RBFOX1: variants seen among roughly 807,000 people sequenced by gnomAD.
The protein encoded by RBFOX1 is RNA binding protein fox-1 homolog 1.
RBFOX1 carries 8 observed loss-of-function variants against 57.7 expected under a neutral mutation model. The ratio of observed to expected loss-of-function variants is 0.14; its 90% CI spans 0.08 to 0.25. The LOEUF is 0.25. Among genes scored for constraint, RBFOX1 ranks in the 10% least tolerant of loss-of-function variants. RBFOX1 has a pLI of 1.00. For synonymous variants in RBFOX1, 326 were observed against 222.4 expected (o/e 1.47, Z -4.15); for missense variants, 611 against 548.5 (o/e 1.11, Z -1.14).
chr16:7,026,256 C>A (rs1034294803), intron 3 of RBFOX1, among the ~76,000 whole-genome samples: 2 of 152,128 alleles, frequency 1.3e-5, no homozygotes, highest in African/African-American at 2.4e-5. Context: ...GCTGTTTTTC[C>A]TTTCCTGCTC....
intron 1 of RBFOX1, among the ~76,000 whole-genome samples, chr16:6,020,854 C>T (rs545241819): frequency 1.3e-5 from 2 of 152,166 alleles, no homozygotes; most frequent in Non-Finnish European, 2.9e-5. Context: ...GACCAGGTGT[C>T]ACGCGGAGCC....
At chr16:7,535,763 A>G (rs2081320791) in intron 5 of RBFOX1, among the ~76,000 whole-genome samples, 3 of 152,204 alleles carry the variant, frequency 2.0e-5, no homozygotes, top group South Asian at 2.1e-4. Flanking sequence ...CAATTTTACA[A>G]CCACTTAAAA....
In RBFOX1 at chr16:5,619,813, G is replaced by A. The variant is rs763583589; in HGVS notation, c.318+20852G>A. 2.0e-5 allele frequency among the ~76,000 whole-genome samples: 3 copies of A among 152,010 alleles called. No homozygotes were observed. In the South Asian group the frequency reaches 6.2e-4, roughly 32 times the overall value. On this transcript the variant is annotated intron_variant, in intron 3 of 19. Coordinates refer to the RBFOX1 transcript ENST00000641259. ...TTCCATGTCCTTTCACTGAGTTTCC[G>A]TGAAGGCAGTCAGACCTGGGCAGGT...
chr16:6,993,740 G>A (rs1457083236), intron 3 of RBFOX1, among the ~76,000 whole-genome samples: 1 of 152,130 alleles, frequency 6.6e-6, no homozygotes, highest in African/African-American at 2.4e-5. Context: ...CAGCAGCCCA[G>A]CTCCATGGGC....
intron 3 of RBFOX1, among the ~76,000 whole-genome samples, chr16:5,718,941 C>A (rs7198034): frequency 0.56 from 84,333 of 150,528 alleles, 26,441 homozygotes; most frequent in Non-Finnish European, 0.72. Context: ...AATGAATGAA[C>A]TTTCTGGCCT....
intron 4 of RBFOX1, among the ~76,000 whole-genome samples, chr16:7,161,281 G>A (rs1197947552): frequency 6.6e-6 from 1 of 151,592 alleles, no homozygotes; most frequent in Admixed American, 6.6e-5. Context: ...CCATGAGATA[G>A]GGGAATGCAG....
At chr16:5,456,407 C>T (rs931013099) in intron 1 of RBFOX1, among the ~76,000 whole-genome samples, 4 of 152,058 alleles carry the variant, frequency 2.6e-5, no homozygotes, top group African/African-American at 4.8e-5. Context: ...TTTCGGGGAA[C>T]GGATTTGAAA....
chr16:6,964,585 CT>C (rs2083700241), intron 3 of RBFOX1, among the ~76,000 whole-genome samples: 1 of 152,092 alleles, frequency 6.6e-6, no homozygotes, highest in African/African-American at 2.4e-5. Flanking sequence ...TTTATACTTG[CT>C]GAATTTTCTG....
intron 3 of RBFOX1, among the ~76,000 whole-genome samples, chr16:5,793,745 G>A (rs1025317358): frequency 6.6e-6 from 1 of 151,902 alleles, no homozygotes; most frequent in Non-Finnish European, 1.5e-5. Flanking sequence ...ATGTGCCTTC[G>A]TGTGTGTGTG....
At chr16:6,277,082 C>A (rs1188266787) in intron 1 of RBFOX1, among the ~76,000 whole-genome samples, 3 of 152,048 alleles carry the variant, frequency 2.0e-5, no homozygotes, top group Non-Finnish European at 4.4e-5. Flanking sequence ...AAAACAATCC[C>A]ATCTCAGTAC....
chr16:7,394,505 T>C (rs2098108933), intron 4 of RBFOX1, among the ~76,000 whole-genome samples: 1 of 152,026 alleles, frequency 6.6e-6, no homozygotes, highest in Admixed American at 6.6e-5. Flanking sequence ...CCCCACACCT[T>C]TAGATGCATA....
At chr16:6,885,740 C>T (rs2063864838) in intron 3 of RBFOX1, among the ~76,000 whole-genome samples, 2 of 152,086 alleles carry the variant, frequency 1.3e-5, no homozygotes, top group African/African-American at 4.8e-5. Flanking sequence ...CCAGGTTGGA[C>T]AGGCTGGTCT....
chr16:5,895,583 G>C (rs1209847090), intron 4 of RBFOX1, among the ~76,000 whole-genome samples: 5 of 152,202 alleles, frequency 3.3e-5, no homozygotes, highest in Non-Finnish European at 7.3e-5. Flanking sequence ...ATGTGGCCCA[G>C]GGCATAGGAA....
intron 4 of RBFOX1, among the ~76,000 whole-genome samples, chr16:7,061,206 C>G (rs1267829634): frequency 6.6e-6 from 1 of 152,060 alleles, no homozygotes; most frequent in Non-Finnish European, 1.5e-5. Flanking sequence ...CAAATGATCC[C>G]CAGGGGCAGC....
intron 1 of RBFOX1, among the ~76,000 whole-genome samples, chr16:5,452,367 C>T (rs1180556487): frequency 6.6e-6 from 1 of 152,042 alleles, no homozygotes; most frequent in Non-Finnish European, 1.5e-5. Flanking sequence ...CCTCGACCTC[C>T]CAAAGTGCTG....
chr16:5,796,879 T>G (rs1398351698), intron 3 of RBFOX1, among the ~76,000 whole-genome samples: 1 of 152,238 alleles, frequency 6.6e-6, no homozygotes, highest in Non-Finnish European at 1.5e-5. Flanking sequence ...AATTCATTGT[T>G]TGTTCATCGA....
intron 3 of RBFOX1, among the ~76,000 whole-genome samples, chr16:5,618,336 TTTTTTGTG>T (rs1201294604): frequency 4.3e-5 from 4 of 93,316 alleles, no homozygotes; most frequent in Non-Finnish European, 1.3e-4. Flanking sequence ...CAGATTTTTT[TTTTTTGTG>T]TGTGTGTGTG....
intron 1 of RBFOX1, among the ~76,000 whole-genome samples, chr16:5,262,510 C>G (rs1409911923): frequency 6.6e-6 from 1 of 152,184 alleles, no homozygotes; most frequent in Non-Finnish European, 1.5e-5. Context: ...CGAGTTGGAA[C>G]TATATCATTG....
intron 3 of RBFOX1, among the ~76,000 whole-genome samples, chr16:5,747,224 G>C (rs1490236121): frequency 6.6e-6 from 1 of 152,214 alleles, no homozygotes; most frequent in African/African-American, 2.4e-5. Context: ...TTGCATCCCA[G>C]GGTTGAAGCC....
Sources: allele counts gnomAD v4.1 joint callset (sites outside exome capture counted in the v4.1 genomes callset), GRCh38; gene constraint gnomAD v4.1.1; transcripts MANE v1.5; gene names NCBI Gene and HGNC (gene_info 2026-07-23, HGNC 2026-07-21).